Variants in PRSS23 observed in about 807,000 individuals in gnomAD.
PRSS23 encodes protease, serine 23.
Under a neutral mutation model 34.7 loss-of-function variants are expected in PRSS23, and 25 were observed. The observed-to-expected ratio is 0.72, with a 90% CI of 0.53 to 1.01. The LOEUF (loss-of-function observed/expected upper bound fraction) is 1.01, where lower values mean the gene tolerates loss of function less well. Among genes scored for constraint, PRSS23 ranks in the 50% least tolerant of loss-of-function variants. The pLI, the probability that PRSS23 is intolerant of heterozygous loss-of-function variation, is 0.00. For missense variants in PRSS23, 445 were observed against 475.6 expected, an observed-to-expected ratio of 0.94 and a Z score of 0.60; for synonymous variants, 176 against 186.6, an observed-to-expected ratio of 0.94 and a Z score of 0.46.
intron 2 of PRSS23, among the ~76,000 whole-genome samples, chr11:86,916,004 G>A (rs10898554): frequency 0.31 from 46,256 of 151,616 alleles, 7,599 homozygotes; most frequent in Non-Finnish European, 0.36. Context: ...ACAGTGAGCC[G>A]AGATCACACC....
chr11:86,827,778 T>C (rs1367055130), intron 2 of PRSS23, among the ~76,000 whole-genome samples: 1 of 152,236 alleles, frequency 6.6e-6, no homozygotes, highest in African/African-American at 2.4e-5. Flanking sequence ...GAGCAGGTTG[T>C]TCAGTTTCCA....
rs749139934 is a variant in PRSS23 at position 86,808,287 on chromosome 11, A to AAGTG, written c.644_645insAGTG (p.Gln216ValfsTer26). The AAGTG allele has an allele frequency of 5.6e-6, 9 of 1,613,986 alleles. No homozygotes were observed. Among genetic ancestry groups the AAGTG allele is most frequent in the Non-Finnish European group, 6.8e-6 (8 of 1,180,048 alleles). On this transcript the variant is annotated frameshift_variant, in exon 2 of 2. Transcript: ENST00000280258. LOFTEE classifies it high-confidence loss of function. ...AACGACTCCACTTCAGCCATGCCCG[A>AAGTG]GCAGATGAAATTTCAGTGGATCCGG...
At chr11:86,894,543 G>T (rs553540466) in intron 2 of PRSS23, among the ~76,000 whole-genome samples, 1 of 152,256 alleles carries the variant, frequency 6.6e-6, no homozygotes, top group East Asian at 1.9e-4. Flanking sequence ...TCCCATGGCA[G>T]CTCCCAGTGT....
chr11:86,828,574 A>T (rs1161699606), intron 2 of PRSS23, among the ~76,000 whole-genome samples: 2 of 152,154 alleles, frequency 1.3e-5, no homozygotes, highest in Non-Finnish European at 2.9e-5. Flanking sequence ...TAGTTGATGC[A>T]GTTTCTCCCT....
intron 2 of PRSS23, among the ~76,000 whole-genome samples, chr11:86,843,849 A>T (rs1011949927): frequency 2.0e-5 from 3 of 152,248 alleles, no homozygotes; most frequent in African/African-American, 7.2e-5. Flanking sequence ...TGTGGAAGAC[A>T]GTGTGGCAAT....
chr11:86,937,746 A>G (rs1458703962), intron 2 of PRSS23: 1 of 152,302 alleles, frequency 6.6e-6, no homozygotes, highest in Admixed American at 6.5e-5. Context: ...AAAATAGGCA[A>G]CCAGAAGCCT....
chr11:86,899,107 C>T (rs975381711), intron 2 of PRSS23, among the ~76,000 whole-genome samples: 15 of 152,174 alleles, frequency 9.9e-5, no homozygotes, highest in African/African-American at 3.6e-4. Context: ...CCACCTGCTT[C>T]AACAAACCCT....
intron 1 of PRSS23, among the ~76,000 whole-genome samples, chr11:86,816,331 A>G (rs940271743): frequency 6.6e-6 from 1 of 152,152 alleles, no homozygotes; most frequent in Admixed American, 6.5e-5. Flanking sequence ...CAGGGTGTTC[A>G]TGCGTCTTCT....
intron 2 of PRSS23, among the ~76,000 whole-genome samples, chr11:86,827,362 C>T (rs1291341789): frequency 1.3e-5 from 2 of 151,898 alleles, no homozygotes; most frequent in East Asian, 3.9e-4. Context: ...TTTTTTATTG[C>T]CTCTATTTGA....
chr11:86,880,051 CTG>C (rs1948762416), intron 2 of PRSS23, among the ~76,000 whole-genome samples: 1 of 152,014 alleles, frequency 6.6e-6, no homozygotes, highest in Admixed American at 6.6e-5. Context: ...GTTGCCGTGT[CTG>C]TGTAGAAAGA....
At chr11:86,914,703 T>C (rs148592358) in intron 2 of PRSS23, among the ~76,000 whole-genome samples, 1 of 152,348 alleles carries the variant, frequency 6.6e-6, no homozygotes, top group East Asian at 1.9e-4. Flanking sequence ...TTAGTTGACA[T>C]GTAATCATTG....
chr11:86,884,222 C>T (rs1265697473), intron 2 of PRSS23, among the ~76,000 whole-genome samples: 1 of 152,180 alleles, frequency 6.6e-6, no homozygotes, highest in Non-Finnish European at 1.5e-5. Context: ...ACATCTATCG[C>T]CATTTGGCCT....
intron 2 of PRSS23, chr11:86,933,528 C>G (rs185463469): frequency 6.6e-6 from 1 of 152,148 alleles, no homozygotes; most frequent in Non-Finnish European, 1.5e-5. Flanking sequence ...ATATTTCATA[C>G]CTACTATAGT....
intron 2 of PRSS23, among the ~76,000 whole-genome samples, chr11:86,893,418 T>C (rs1948854423): frequency 6.6e-6 from 1 of 152,236 alleles, no homozygotes; most frequent in Non-Finnish European, 1.5e-5. Flanking sequence ...TAATGCTGGC[T>C]GTAAACCACT....
intron 2 of PRSS23, among the ~76,000 whole-genome samples, chr11:86,900,659 G>T (rs539478465): frequency 7.9e-5 from 12 of 151,738 alleles, no homozygotes; most frequent in Non-Finnish European, 1.6e-4. Context: ...TATATAGGCG[G>T]CATCCTCTTC....
downstream of PRSS23, among the ~76,000 whole-genome samples, chr11:86,812,976 AT>A (rs896865348): frequency 1.3e-5 from 2 of 151,960 alleles, no homozygotes; most frequent in African/African-American, 2.4e-5. Flanking sequence ...CTCCTATATG[AT>A]TTAAAGATCC....
At chr11:86,833,834 A>G (rs1948380610) in intron 2 of PRSS23, among the ~76,000 whole-genome samples, 1 of 151,988 alleles carries the variant, frequency 6.6e-6, no homozygotes, top group Non-Finnish European at 1.5e-5. Context: ...AGGAAAACCC[A>G]AGTACTGTTG....
intron 2 of PRSS23, among the ~76,000 whole-genome samples, chr11:86,843,193 G>A (rs1948461277): frequency 6.6e-6 from 1 of 152,258 alleles, no homozygotes; most frequent in South Asian, 2.1e-4. Flanking sequence ...TTTAACAAAT[G>A]GTGCTGGGAA....
At chr11:86,830,608 A>G (rs957481546) in intron 2 of PRSS23, among the ~76,000 whole-genome samples, 1 of 152,196 alleles carries the variant, frequency 6.6e-6, no homozygotes, top group African/African-American at 2.4e-5. Flanking sequence ...GCTGTAGACC[A>G]GAGCTGTTCC....
Sources: allele counts gnomAD v4.1 joint callset (sites outside exome capture counted in the v4.1 genomes callset), GRCh38; gene constraint gnomAD v4.1.1; transcripts MANE v1.5; gene names NCBI Gene and HGNC (gene_info 2026-07-23, HGNC 2026-07-21).